The following KPNA1 variants were observed in gnomAD, a reference collection of about 807,000 sequenced individuals.
The protein encoded by KPNA1 is karyopherin subunit alpha 1, also known as importin subunit alpha-5.
A neutral mutation model predicts 70.5 loss-of-function variants in KPNA1; 10 were observed. The ratio of observed to expected loss-of-function variants is 0.14; its 90% confidence interval spans 0.09 to 0.24. The LOEUF (loss-of-function observed/expected upper bound fraction) is 0.24. KPNA1 is among the 10% of genes least tolerant of loss of function. The pLI is 1.00. For synonymous variants in KPNA1, 192 were observed against 221.9 expected (o/e 0.87, Z 1.20); for missense variants, 397 against 637.9 (o/e 0.62, Z 4.07).
At chr3:122,428,956 A>G (rs1457040533) in intron 12 of KPNA1, among the ~76,000 whole-genome samples, 1 of 152,246 alleles carries the variant, frequency 6.6e-6, no homozygotes, top group African/African-American at 2.4e-5. Context: ...TCTCATGAAC[A>G]TGAATACAAA....
intron 1 of KPNA1, among the ~76,000 whole-genome samples, chr3:122,498,217 C>G (rs57674423): frequency 0.021 from 3,213 of 152,254 alleles, 122 homozygotes; most frequent in African/African-American, 0.073. Context: ...ATCCTAACTC[C>G]CAATGTGATA....
intron 6 of KPNA1, among the ~76,000 whole-genome samples, chr3:122,453,273 A>T (rs916030951): frequency 2.6e-5 from 4 of 152,212 alleles, no homozygotes; most frequent in Non-Finnish European, 4.4e-5. Flanking sequence ...TTCTACAAGA[A>T]AAAACCTCTA....
chr3:122,427,424 C>T (rs2075836971), intron 13 of KPNA1, 114 bp downstream of exon 13: 1 of 1,091,664 alleles, frequency 9.2e-7, no homozygotes, highest in Non-Finnish European at 1.3e-6. Flanking sequence ...GCAGCAATTT[C>T]CTAACAGTCC....
Position 122,422,439 on chromosome 3 carries a change from C to G in KPNA1, c.*4546G>C, listed in dbSNP as rs992408049. On this transcript the variant is annotated 3_prime_UTR_variant, in exon 14 of 14. Coordinates refer to ENST00000344337, the MANE Select transcript of KPNA1 (RefSeq NM_002264.4). ...AGGAAAGATGTTTGGCCTGAGAGGG[C>G]CTACACTCCAGTCTGTGTAACCTAA... The G allele has an allele frequency of 1.3e-5, 2 of 151,824 alleles. No homozygotes were observed. The highest frequency in any genetic ancestry group is 3.9e-4 in the East Asian group (2 of 5,188). The allele number at this position is 151,824 out of a possible 1,614,324, so 9.4% of individuals were successfully genotyped here.
intron 2 of KPNA1, among the ~76,000 whole-genome samples, chr3:122,490,558 T>C (rs2076686826): frequency 6.6e-6 from 1 of 152,220 alleles, no homozygotes; most frequent in Non-Finnish European, 1.5e-5. Context: ...TAGGAGCTAG[T>C]TCAAGTTGGC....
At chr3:122,455,528 C>A (rs2076254974) in intron 5 of KPNA1, among the ~76,000 whole-genome samples, 1 of 152,100 alleles carries the variant, frequency 6.6e-6, no homozygotes, top group Non-Finnish European at 1.5e-5. Flanking sequence ...TGAATTAAAA[C>A]TTGACATTTG....
At position 122,459,942 on chromosome 3, in the gene KPNA1, G is replaced by GTTTTGTTA. The variant is rs1177239109; in HGVS notation, c.432+1281_432+1282insTAACAAAA. ...TAGACAGTAAGGAACCTGGGGACAG[G>GTTTTGTTA]AGCTATCACTTAACAAAAATGCCCC... On this transcript the variant is annotated intron_variant, in intron 5 of 13. Coordinates refer to ENST00000344337, the MANE Select transcript of KPNA1 (RefSeq NM_002264.4). 4.1e-6 allele frequency: 4 copies of GTTTTGTTA among 985,278 alleles called. No homozygotes were observed. In the East Asian group the frequency reaches 4.5e-4, roughly 112 times the overall value. 61.0% of individuals were successfully genotyped at this position (985,278 alleles called of 1,614,324 possible). A position where few individuals can be genotyped will look rare whatever the true frequency, so the allele number is the denominator to read the frequency against.
intron 2 of KPNA1, chr3:122,483,223 G>A (rs1382744297): frequency 1.3e-5 from 2 of 152,288 alleles, no homozygotes; most frequent in African/African-American, 4.8e-5. Flanking sequence ...AAACTAAACT[G>A]AGAAAGCCAG....
intron 1 of KPNA1, among the ~76,000 whole-genome samples, chr3:122,505,477 G>A (rs1276473486): frequency 6.6e-6 from 1 of 152,094 alleles, no homozygotes; most frequent in Non-Finnish European, 1.5e-5. Context: ...CAAAGTAATT[G>A]TATGAGAAAA....
rs74321866 is a variant in KPNA1 at position 122,481,323 on chromosome 3, T to C, written c.130-13894A>G. On this transcript the variant is annotated intron_variant, in intron 2 of 13. Transcript: ENST00000344337. Reference sequence around the variant, plus strand: ...AACAAAAAGTGGTATATCTGCACAATGGAATATTTAGTGAGAAAAGGGAAT... The same window carrying C: ...AACAAAAAGTGGTATATCTGCACAACGGAATATTTAGTGAGAAAAGGGAAT... Among the ~76,000 whole-genome samples, 1,487 of 152,272 alleles carry C rather than the reference T, an allele frequency of 9.8e-3. 8 individuals are homozygous for C. The highest frequency in any genetic ancestry group is 0.015 in the Non-Finnish European group (1,046 of 68,024).
At chr3:122,435,060 T>C (rs1419733313) in intron 11 of KPNA1, among the ~76,000 whole-genome samples, 1 of 152,244 alleles carries the variant, frequency 6.6e-6, no homozygotes. Context: ...GTCATTTTAC[T>C]AGAGGTGCTC....
At chr3:122,502,856 G>A (rs1354822179) in intron 1 of KPNA1, among the ~76,000 whole-genome samples, 3 of 152,084 alleles carry the variant, frequency 2.0e-5, no homozygotes, top group South Asian at 2.1e-4. Context: ...GGTAGTTCAC[G>A]CCTGTATTCC....
intron 5 of KPNA1, among the ~76,000 whole-genome samples, chr3:122,456,450 A>AT (rs1466631388): frequency 6.6e-6 from 1 of 152,250 alleles, no homozygotes; most frequent in Non-Finnish European, 1.5e-5. Context: ...AGAAATTATA[A>AT]TAATAACCTG....
intron 9 of KPNA1, among the ~76,000 whole-genome samples, chr3:122,447,626 C>T (rs966706537): frequency 6.6e-6 from 1 of 152,140 alleles, no homozygotes; most frequent in African/African-American, 2.4e-5. Context: ...ACAAGGATGC[C>T]CTCTCTCAGC....
chr3:122,489,376 A>G (rs1263081202), intron 2 of KPNA1, among the ~76,000 whole-genome samples: 1 of 151,776 alleles, frequency 6.6e-6, no homozygotes, highest in African/African-American at 2.4e-5. Flanking sequence ...TGAAGCCTCA[A>G]ACTCCTGGGC....
intron 2 of KPNA1, 114 bp downstream of exon 2, chr3:122,496,323 C>CACAA: frequency 1.4e-6 from 1 of 708,892 alleles, no homozygotes; most frequent in Middle Eastern, 3.5e-4. Context: ...GGGGAAAACA[C>CACAA]ACACACACAC....
chr3:122,457,744 C>T (rs753496765), intron 5 of KPNA1: 1 of 1,288,952 alleles, frequency 7.8e-7, no homozygotes, highest in Non-Finnish European at 1.0e-6. Context: ...AAGTTTCCCA[C>T]TCCAGGTTGA....
chr3:122,448,565 G>A (rs1310063539), intron 9 of KPNA1, among the ~76,000 whole-genome samples: 10 of 152,208 alleles, frequency 6.6e-5, no homozygotes, highest in East Asian at 1.9e-4. Context: ...GACACAGGGC[G>A]GGGAACATCA....
At chr3:122,460,700 G>T (rs1203167351) in intron 5 of KPNA1, 2 of 929,186 alleles carry the variant, frequency 2.2e-6, no homozygotes, top group Admixed American at 6.2e-5. Context: ...ATTTCCTCTT[G>T]GAATCCCTTA....
Sources: allele counts gnomAD v4.1 joint callset (sites outside exome capture counted in the v4.1 genomes callset), GRCh38; gene constraint gnomAD v4.1.1; transcripts MANE v1.5; gene names NCBI Gene and HGNC (gene_info 2026-07-23, HGNC 2026-07-21).